TMEM123: variants seen among roughly 807,000 people sequenced by gnomAD.
TMEM123 encodes porimin.
TMEM123 carries 16 observed loss-of-function variants against 19.7 expected under a neutral mutation model. The ratio of observed to expected loss-of-function variants is 0.81; its 90% CI spans 0.55 to 1.23. The LOEUF (loss-of-function observed/expected upper bound fraction) is 1.23, where lower values mean the gene tolerates loss of function less well. Among genes scored for constraint, TMEM123 ranks in the 50% most tolerant of loss-of-function variants. The pLI is 0.00. For missense variants in TMEM123, 313 were observed against 257.8 expected, an observed-to-expected ratio of 1.21 and a Z score of -1.47; for synonymous variants, 118 against 99.4, an observed-to-expected ratio of 1.19 and a Z score of -1.12.
At chr11:102,430,224 C>G (rs1236004301) in intron 2 of TMEM123, among the ~76,000 whole-genome samples, 17 of 152,250 alleles carry the variant, frequency 1.1e-4, no homozygotes, top group Admixed American at 1.0e-3. Context: ...GGGGCTCCAT[C>G]TCACAACTAA....
rs1951917718 is a variant in TMEM123, at chr11:102,402,024, A to C, written c.340T>G (p.Ser114Ala). 6.2e-7 allele frequency: 1 copy of C among 1,614,034 alleles called. No individual in the cohort carries two copies. Among genetic ancestry groups the C allele is most frequent in the South Asian group, 1.1e-5 (1 of 91,066 alleles). The change falls in exon 3 of 5, where the codon TCT becomes GCT. Residue 114 changes from serine to alanine, a missense_variant. Coordinates refer to ENST00000398136, the MANE Select transcript of TMEM123 (RefSeq NM_052932.3). Reference protein sequence around the residue: ...STNMTSTTLKSTPKTTSVSQN... With the variant: ...STNMTSTTLKATPKTTSVSQN... ...GAAACACTTGTTGTTTTGGGTGTAG[A>C]CTTTAAGGTGGTAGAAGTCATATTT...
At chr11:102,424,456 C>G (rs931775341) in intron 2 of TMEM123, among the ~76,000 whole-genome samples, 3 of 152,258 alleles carry the variant, frequency 2.0e-5, no homozygotes, top group Admixed American at 2.0e-4. Flanking sequence ...GAGGCTAAGG[C>G]AGGTGGATCA....
intron 2 of TMEM123, among the ~76,000 whole-genome samples, chr11:102,410,964 A>T (rs917669215): frequency 5.9e-5 from 9 of 152,170 alleles, no homozygotes; most frequent in African/African-American, 1.7e-4. Context: ...TGTGTGTTAC[A>T]ATACAAAATA....
At chr11:102,400,871 G>A (rs1430606276) in intron 4 of TMEM123, among the ~76,000 whole-genome samples, 5 of 152,124 alleles carry the variant, frequency 3.3e-5, no homozygotes, top group Admixed American at 3.3e-4. Flanking sequence ...ACTTTGTTGT[G>A]TCAGCATGAA....
intron 2 of TMEM123, among the ~76,000 whole-genome samples, chr11:102,431,429 T>C (rs1322193932): frequency 6.6e-6 from 1 of 152,198 alleles, no homozygotes; most frequent in African/African-American, 2.4e-5. Flanking sequence ...CTCAGCGATT[T>C]TGGAAGGTAC....
intron 2 of TMEM123, among the ~76,000 whole-genome samples, chr11:102,443,165 A>G (rs1047565297): frequency 1.3e-5 from 2 of 152,226 alleles, no homozygotes; most frequent in Admixed American, 1.3e-4. Flanking sequence ...CAAGCTACCA[A>G]TGACTTTCTT....
At chr11:102,406,141 G>C (rs570751274) in intron 2 of TMEM123, among the ~76,000 whole-genome samples, 1 of 152,020 alleles carries the variant, frequency 6.6e-6, no homozygotes, top group East Asian at 1.9e-4. Context: ...TGTGGGACTT[G>C]CAAGGGGTGA....
intron 1 of TMEM123, chr11:102,451,179 G>A (rs1259714173): frequency 6.6e-6 from 1 of 152,146 alleles, no homozygotes; most frequent in Non-Finnish European, 1.5e-5. Context: ...CAGGGCAAAA[G>A]AAAGAAAAGC....
intron 2 of TMEM123, among the ~76,000 whole-genome samples, chr11:102,402,923 T>TTG (rs1951925582): frequency 6.6e-6 from 1 of 152,358 alleles, no homozygotes; most frequent in African/African-American, 2.4e-5. Flanking sequence ...AACAATACCT[T>TTG]TGCTCATACC....
rs1388571557 is a variant in TMEM123, at chr11:102,398,278, T to TTTTA, written c.*585_*588dup. The TTTTA allele has an allele frequency of 7.4e-6, 2 of 269,768 alleles. No homozygotes were observed. The highest frequency in any genetic ancestry group is 4.3e-5 in the African/African-American group (2 of 45,988). 16.7% of individuals were successfully genotyped at this position (269,768 alleles called of 1,614,324 possible). Reference sequence around the variant, plus strand: ...GGCTAAGCAAAGCTATTATTTTGGGTTTTATTTGAAAATTTTCTTTTTCTT... The same window carrying TTTTA: ...GGCTAAGCAAAGCTATTATTTTGGGTTTTATTTATTTGAAAATTTTCTTTTTCTT... On this transcript the variant is annotated 3_prime_UTR_variant, in exon 5 of 5. Coordinates refer to ENST00000398136, the MANE Select transcript of TMEM123 (RefSeq NM_052932.3).
At chr11:102,438,678 G>A (rs1048048058) in intron 2 of TMEM123, among the ~76,000 whole-genome samples, 1 of 152,198 alleles carries the variant, frequency 6.6e-6, no homozygotes, top group Non-Finnish European at 1.5e-5. Context: ...TGTGAGCAAT[G>A]CAGAAGATAG....
intron 2 of TMEM123, among the ~76,000 whole-genome samples, chr11:102,411,035 G>C (rs1401573921): frequency 6.6e-6 from 1 of 152,078 alleles, no homozygotes; most frequent in Non-Finnish European, 1.5e-5. Flanking sequence ...GGATTTTCCT[G>C]AATGATGGGA....
At chr11:102,444,503 T>TG (rs1430037142) in intron 2 of TMEM123, among the ~76,000 whole-genome samples, 28 of 139,386 alleles carry the variant, frequency 2.0e-4, no homozygotes, top group African/African-American at 7.4e-4. Flanking sequence ...TGAGAACACT[T>TG]GAACACAGGG....
chr11:102,443,257 C>T (rs752766893), intron 2 of TMEM123, among the ~76,000 whole-genome samples: 31 of 152,094 alleles, frequency 2.0e-4, no homozygotes, highest in Non-Finnish European at 3.1e-4. Context: ...TAAGCCAAAA[C>T]AATAAAGCTG....
chr11:102,449,012 T>G (rs1468651888), intron 1 of TMEM123, 144 bp from the exon 2 acceptor site: 1 of 754,100 alleles, frequency 1.3e-6, no homozygotes, highest in African/African-American at 1.7e-5. Flanking sequence ...TGGCCCCTGT[T>G]GTTATGAAAC....
chr11:102,402,072 T>G lies in TMEM123; in HGVS notation c.292A>C (p.Thr98Pro). 2 of 1,614,158 alleles carry G rather than the reference T, an allele frequency of 1.2e-6. No individual in the cohort carries two copies. The change falls in exon 3 of 5, where the codon ACA (threonine) becomes CCA (proline). Residue 98 changes from threonine to proline, a missense_variant. By Grantham distance (38) the Thr-to-Pro change is conservative (BLOSUM62 -1). Coordinates refer to ENST00000398136, the MANE Select transcript of TMEM123 (RefSeq NM_052932.3). Reference protein sequence around the residue: ...TMKPTAASNTTTPGMVSTNMT... With the variant: ...TMKPTAASNTPTPGMVSTNMT... Reference sequence around the variant, plus strand: ...TTTGTTGAGACCATCCCTGGTGTTGTTGTATTAGATGCCGCTGTAGGTTTC... The same window carrying G: ...TTTGTTGAGACCATCCCTGGTGTTGGTGTATTAGATGCCGCTGTAGGTTTC...
intron 2 of TMEM123, among the ~76,000 whole-genome samples, chr11:102,425,590 T>C (rs533927429): frequency 7.4e-5 from 11 of 148,698 alleles, no homozygotes; most frequent in South Asian, 4.3e-4. Context: ...TTTCTTTTTT[T>C]TTTTTTTTTT....
At position 102,398,765 on chromosome 11, in the gene TMEM123, TACTA is replaced by T. The variant is rs1951882983; in HGVS notation, c.*98_*101del. The stretch of plus-strand genomic sequence containing the variant: ...GTACATTATATGCATGGCCTGTTTA[TACTA>T]TTTTCAAAAAGAGAATATTGTTTTA... On this transcript the variant is annotated 3_prime_UTR_variant, in exon 5 of 5. Transcript: ENST00000398136. 8.4e-7 allele frequency: 1 copy of T among 1,187,464 alleles called. No homozygotes were observed. The highest frequency in any genetic ancestry group is 1.2e-6 in the Non-Finnish European group (1 of 811,874). The allele number at this position is 1,187,464 out of a possible 1,614,324, so 73.6% of individuals were successfully genotyped here.
At chr11:102,437,572 T>C (rs12271866) in intron 2 of TMEM123, among the ~76,000 whole-genome samples, 5,309 of 152,220 alleles carry the variant, frequency 0.035, 344 homozygotes, top group African/African-American at 0.12. Context: ...AGCATTTAAT[T>C]TGGGTCCTAT....
Sources: allele counts gnomAD v4.1 joint callset (sites outside exome capture counted in the v4.1 genomes callset), GRCh38; gene constraint gnomAD v4.1.1; transcripts MANE v1.5; gene names NCBI Gene and HGNC (gene_info 2026-07-23, HGNC 2026-07-21).